Variants in ESR1 observed in about 807,000 individuals in gnomAD.
ESR1 encodes the protein estrogen receptor.
Under a neutral mutation model 52.7 loss-of-function variants are expected in ESR1, and 12 were observed. That is an observed-to-expected ratio of 0.23 (90% CI 0.15 to 0.37). The LOEUF (loss-of-function observed/expected upper bound fraction) is 0.37. Ranked by LOEUF, ESR1 falls within the 10% of genes least tolerant of loss-of-function variation. The pLI is 1.00. For missense variants in ESR1, 584 were observed against 779.7 expected, an observed-to-expected ratio of 0.75 and a Z score of 2.99; for synonymous variants, 305 against 316.8, an observed-to-expected ratio of 0.96 and a Z score of 0.39.
intron 2 of ESR1, among the ~76,000 whole-genome samples, chr6:151,711,688 C>T (rs1780624644): frequency 6.6e-6 from 1 of 152,158 alleles, no homozygotes; most frequent in African/African-American, 2.4e-5. Context: ...ATCCTTCACC[C>T]ACTTTTTGAT....
At chr6:151,672,169 T>C (rs1778086387) in intron 1 of ESR1, among the ~76,000 whole-genome samples, 1 of 151,510 alleles carries the variant, frequency 6.6e-6, no homozygotes, top group Non-Finnish European at 1.5e-5. Flanking sequence ...ATGATAAGTA[T>C]GTGAGGTGGT....
intron 3 of ESR1, among the ~76,000 whole-genome samples, chr6:151,881,407 T>C (rs1343274995): frequency 6.6e-6 from 1 of 151,776 alleles, no homozygotes; most frequent in Admixed American, 6.6e-5. Context: ...TTTGTGGCTG[T>C]GTGTGTGTGT....
chr6:152,056,470 A>G (rs1247508965), intron 5 of ESR1, among the ~76,000 whole-genome samples: 2 of 152,218 alleles, frequency 1.3e-5, no homozygotes, highest in Non-Finnish European at 2.9e-5. Context: ...TTTGTAAGGC[A>G]TATTTTTGAA....
intron 4 of ESR1, among the ~76,000 whole-genome samples, chr6:151,966,005 GT>G (rs71713368): frequency 0.81 from 122,095 of 151,560 alleles, 49,508 homozygotes; most frequent in Middle Eastern, 0.9. Flanking sequence ...CAACTCAGCA[GT>G]TGCTTTGCTG....
intron 3 of ESR1, 53 bp from the exon 4 acceptor site, chr6:151,944,120 A>T (rs1226084055): frequency 6.5e-7 from 1 of 1,534,146 alleles, no homozygotes; most frequent in Non-Finnish European, 9.0e-7. Context: ...TTTTGTATAA[A>T]AGTTTACACG....
rs190336802 is a variant in ESR1 at position 151,765,932 on chromosome 6, A to G, written c.-70-41911A>G. Among the ~76,000 whole-genome samples the G allele has an allele frequency of 4.5e-3, 681 of 152,322 alleles. 2 individuals are homozygous for G. The highest frequency in any genetic ancestry group is 0.016 in the African/African-American group (657 of 41,570). On this transcript the variant is annotated intron_variant, in intron 2 of 2. Transcript: ENST00000404742. ...TGGTTTATGCACATCCGTGTTTTGG[A>G]CATGGTGATTCCAAGAGACTCTTAA...
intron 4 of ESR1, among the ~76,000 whole-genome samples, chr6:151,977,441 CAAA>C (rs200819406): frequency 5.4e-5 from 7 of 130,462 alleles, no homozygotes; most frequent in Non-Finnish European, 9.6e-5. Context: ...CTGTGTAGTG[CAAA>C]AAAAAAAAAA....
chr6:151,819,455 G>A (rs1199360739), intron 1 of ESR1, among the ~76,000 whole-genome samples: 3 of 152,166 alleles, frequency 2.0e-5, no homozygotes, highest in Middle Eastern at 3.2e-3. Context: ...GCTCCCCATC[G>A]CTTGCATTAT....
At chr6:151,923,005 C>T (rs1317691952) in intron 3 of ESR1, among the ~76,000 whole-genome samples, 1 of 152,126 alleles carries the variant, frequency 6.6e-6, no homozygotes, top group Non-Finnish European at 1.5e-5. Flanking sequence ...TGGCTCCTAC[C>T]ATCTGCTATT....
chr6:152,051,125 C>G (rs1177591155), intron 5 of ESR1, among the ~76,000 whole-genome samples: 1 of 152,206 alleles, frequency 6.6e-6, no homozygotes, highest in Non-Finnish European at 1.5e-5. Flanking sequence ...TCTGAGCCTA[C>G]TTGGTCTTTG....
At chr6:151,704,790 G>A (rs958214679) in intron 2 of ESR1, among the ~76,000 whole-genome samples, 1 of 152,006 alleles carries the variant, frequency 6.6e-6, no homozygotes, top group Non-Finnish European at 1.5e-5. Context: ...CTAGGAAAGC[G>A]AACTAAGGCT....
intron 1 of ESR1, among the ~76,000 whole-genome samples, chr6:151,695,238 A>G (rs1352823694): frequency 6.6e-6 from 1 of 152,200 alleles, no homozygotes; most frequent in African/African-American, 2.4e-5. Context: ...ATTTGGATTT[A>G]GTCTCCTATT....
At chr6:151,707,984 C>CT (rs1444470328) in intron 2 of ESR1, among the ~76,000 whole-genome samples, 1 of 151,972 alleles carries the variant, frequency 6.6e-6, no homozygotes, top group Non-Finnish European at 1.5e-5. Flanking sequence ...TCTTGGGGGT[C>CT]TTTTTTCCTC....
intron 6 of ESR1, among the ~76,000 whole-genome samples, chr6:152,080,794 G>A (rs957855864): frequency 3.9e-5 from 6 of 151,952 alleles, no homozygotes; most frequent in African/African-American, 9.6e-5. Flanking sequence ...ATAAAGGGTC[G>A]AAGGAAAATC....
At chr6:152,125,113 T>C (rs1317336336) in intron 6 of ESR1, among the ~76,000 whole-genome samples, 1 of 152,222 alleles carries the variant, frequency 6.6e-6, no homozygotes, top group African/African-American at 2.4e-5. Context: ...ACAGGCTGAA[T>C]GACTTGCTTC....
intron 6 of ESR1, among the ~76,000 whole-genome samples, chr6:152,112,022 G>A (rs866142153): frequency 2.0e-5 from 3 of 152,206 alleles, no homozygotes; most frequent in African/African-American, 7.2e-5. Flanking sequence ...AAAGAAACGT[G>A]TATAAAGAAA....
At chr6:151,944,536 A>T (rs2035478161) in intron 4 of ESR1, 28 bp downstream of exon 4, 1 of 1,593,606 alleles carries the variant, frequency 6.3e-7, no homozygotes, top group Non-Finnish European at 8.6e-7. Context: ...AGCTTTTAAG[A>T]GTCAATAGCT....
chr6:151,673,973 C>A (rs1406405590), intron 1 of ESR1, among the ~76,000 whole-genome samples: 1 of 152,112 alleles, frequency 6.6e-6, no homozygotes, highest in East Asian at 1.9e-4. Flanking sequence ...GACTTTACAA[C>A]CAAGTGATTT....
intron 3 of ESR1, among the ~76,000 whole-genome samples, chr6:151,906,124 T>C (rs1049264429): frequency 6.6e-6 from 1 of 152,090 alleles, no homozygotes; most frequent in African/African-American, 2.4e-5. Flanking sequence ...AGACACACCA[T>C]ATTTTTTAAA....
Sources: allele counts gnomAD v4.1 joint callset (sites outside exome capture counted in the v4.1 genomes callset), GRCh38; gene constraint gnomAD v4.1.1; transcripts MANE v1.5; gene names NCBI Gene and HGNC (gene_info 2026-07-23, HGNC 2026-07-21).